Variants in PHIP observed in about 807,000 individuals in gnomAD.
The protein encoded by PHIP is PHIP subunit of CUL4-Ring ligase complex.
PHIP carries 54 observed loss-of-function variants against 236.8 expected under a neutral mutation model. That is an observed-to-expected ratio of 0.23 (90% CI 0.18 to 0.29). PHIP has a LOEUF of 0.29. Among genes scored for constraint, PHIP ranks in the 10% least tolerant of loss-of-function variants. The pLI, the probability that PHIP is intolerant of heterozygous loss-of-function variation, is 1.00. For missense variants in PHIP, 1,370 were observed against 2,190.8 expected (o/e 0.63, Z 7.48); for synonymous variants, 756 against 718.9 (o/e 1.05, Z -0.83).
At chr6:79,073,794 T>C (rs1220600117) in intron 4 of PHIP, among the ~76,000 whole-genome samples, 1 of 152,156 alleles carries the variant, frequency 6.6e-6, no homozygotes, top group Admixed American at 6.5e-5. Context: ...GTGTCTCAAA[T>C]CATCTTTGCA....
rs1231647647 is a variant in PHIP, at chr6:78,945,766, A to C, written c.4630+235T>G. The C allele has an allele frequency of 1.5e-4, 86 of 589,392 alleles. No homozygotes were observed. In the Admixed American group the frequency reaches 2.2e-3, roughly 15 times the overall value. The allele number at this position is 589,392 out of a possible 1,614,324, so 36.5% of individuals were successfully genotyped here. A position where few individuals can be genotyped will look rare whatever the true frequency, so the allele number is the denominator to read the frequency against. ...TAGCTAGTGTGGGTACTGTGATTTA[A>C]ATTCAGGTAGTTTAGATCAGAGTTG... On this transcript the variant is annotated intron_variant, in intron 38 of 39. Transcript: ENST00000275034.
chr6:78,950,549 C>G (rs1254831854), intron 35 of PHIP, among the ~76,000 whole-genome samples: 1 of 152,136 alleles, frequency 6.6e-6, no homozygotes, highest in Non-Finnish European at 1.5e-5. Context: ...TTGCTTCATA[C>G]TGGGTGAGTT....
At position 78,946,117 on chromosome 6, in the gene PHIP, C is replaced by T. The variant is rs747934036; in HGVS notation, c.4514G>A (p.Arg1505Gln). The T allele has an allele frequency of 9.3e-6, 15 of 1,613,920 alleles. No individual in the cohort carries two copies. Among genetic ancestry groups the T allele is most frequent in the East Asian group, 2.2e-5 (1 of 44,882 alleles). Residue 1505 changes from arginine (R) to glutamine (Q), a missense_variant, in exon 38 of 40, where the codon CGA (arginine) becomes CAA (glutamine). This residue lies in a region of PHIP where 309 missense variants were observed against 328.3 expected (regional missense o/e 0.94). Transcript: ENST00000275034. ...NGKTESSSVV[R>Q]TRSNRVVVDP... ...TACAACCACTCGGTTGCTTCTGGTT[C>T]GAACCACAGAACTAGATTCTGTTTT... is the stretch of plus-strand genomic sequence containing the variant.
intron 15 of PHIP, among the ~76,000 whole-genome samples, chr6:79,012,650 T>TA (rs1055011122): frequency 3.3e-5 from 5 of 151,732 alleles, no homozygotes; most frequent in African/African-American, 1.2e-4. Context: ...ACTTATTGAT[T>TA]AGCTACAGAG....
intron 20 of PHIP, among the ~76,000 whole-genome samples, chr6:78,989,979 T>C (rs1582178724): frequency 6.6e-6 from 1 of 151,734 alleles, no homozygotes; most frequent in East Asian, 1.9e-4. Flanking sequence ...ATACACTCAG[T>C]AAAGAAAAAA....
chr6:78,937,839 G>A lies in PHIP; in HGVS notation c.*2854C>T, dbSNP rs1056117047. On this transcript the variant is annotated 3_prime_UTR_variant, in exon 40 of 40. Coordinates refer to ENST00000275034, the MANE Select transcript of PHIP (RefSeq NM_017934.7). Reference sequence around the variant, plus strand: ...AATGCTCCACTGAAACTTTTCATCTGGGACTTGAGAATGTTGGAGTTGAGG... The same window carrying A: ...AATGCTCCACTGAAACTTTTCATCTAGGACTTGAGAATGTTGGAGTTGAGG... The A allele has an allele frequency of 4.0e-5, 6 of 151,808 alleles. No homozygotes were observed. Among genetic ancestry groups the A allele is most frequent in the African/African-American group, 1.4e-4 (6 of 41,516 alleles). 9.4% of individuals were successfully genotyped at this position (151,808 alleles called of 1,614,324 possible). A position where few individuals can be genotyped will look rare whatever the true frequency, so the allele number is the denominator to read the frequency against.
At chr6:79,031,770 A>G (rs1771681685) in intron 7 of PHIP, among the ~76,000 whole-genome samples, 1 of 152,208 alleles carries the variant, frequency 6.6e-6, no homozygotes, top group South Asian at 2.1e-4. Context: ...GTATGGAGGT[A>G]ATGGTACCAA....
rs961217222 is a variant in PHIP, at chr6:78,946,100, C to T, written c.4531G>A (p.Val1511Met). Residue 1511 changes from valine (V) to methionine (M), a missense_variant, in exon 38 of 40, where the codon GTG (valine) becomes ATG (methionine). By Grantham distance (21) the Val-to-Met change is conservative. Around this residue, in one of 14 missense-constraint regions of PHIP, gnomAD observed 309 missense variants for 328.3 expected, o/e 0.94. Transcript: ENST00000275034. ...TCAGTGACAACTGGATCTACAACCA[C>T]TCGGTTGCTTCTGGTTCGAACCACA... ...SSVVRTRSNRVVVDPVVTEQP... is the reference protein window; with the variant it reads ...SSVVRTRSNRMVVDPVVTEQP... The T allele has an allele frequency of 6.2e-7, 1 of 1,613,780 alleles. No homozygotes were observed. Among genetic ancestry groups the T allele is most frequent in the Non-Finnish European group, 8.5e-7 (1 of 1,179,640 alleles).
chr6:78,944,127 T>C (rs1173605737), intron 39 of PHIP, among the ~76,000 whole-genome samples: 3 of 151,310 alleles, frequency 2.0e-5, no homozygotes, highest in Non-Finnish European at 2.9e-5. Context: ...AAAAAAGACA[T>C]TCCCCCAAAA....
chr6:78,942,939 GT>G (rs984357561), intron 39 of PHIP, among the ~76,000 whole-genome samples: 23 of 152,120 alleles, frequency 1.5e-4, no homozygotes, highest in African/African-American at 5.5e-4. Context: ...GAATTCAGAA[GT>G]TTTTTAAAAA....
At chr6:78,953,804 T>C (rs1048176207) in intron 35 of PHIP, among the ~76,000 whole-genome samples, 1 of 152,180 alleles carries the variant, frequency 6.6e-6, no homozygotes, top group South Asian at 2.1e-4. Context: ...CAGGCTGGTC[T>C]TGAACTCCTG....
At chr6:78,955,107 T>A in intron 34 of PHIP, 125 bp downstream of exon 34, 1 of 889,808 alleles carries the variant, frequency 1.1e-6, no homozygotes, top group South Asian at 2.0e-5. Context: ...AACATACATT[T>A]TGTAATTGAA....
At chr6:79,048,076 C>G (rs1269209987) in intron 6 of PHIP, among the ~76,000 whole-genome samples, 1 of 150,824 alleles carries the variant, frequency 6.6e-6, no homozygotes, top group Non-Finnish European at 1.5e-5. Context: ...AAATTTTAAT[C>G]TTACAATCAA....
chr6:78,999,084 A>G (rs754474239), intron 17 of PHIP, among the ~76,000 whole-genome samples: 17 of 152,192 alleles, frequency 1.1e-4, no homozygotes, highest in Admixed American at 2.0e-4. Flanking sequence ...TTTAAATTAG[A>G]TAGCCACATA....
rs767272037 is a variant in PHIP, at chr6:79,015,193, A to G, written c.1413T>C (p.Val471=). Residue 471 remains valine, a synonymous_variant, in exon 15 of 40, where the codon GTT becomes GTC. Coordinates refer to ENST00000275034, the MANE Select transcript of PHIP (RefSeq NM_017934.7). ...VLMGHEDEVF[V]LEPHPFDPRV... is the part of the protein sequence containing the mutation. ...TAGGATCGAACGGGTGTGGTTCAAG[A>G]ACAAATACCTCATCTTCATGACCCT... The G allele has an allele frequency of 6.2e-7, 1 of 1,610,132 alleles. No homozygotes were observed. The highest frequency in any genetic ancestry group is 8.5e-7 in the Non-Finnish European group (1 of 1,176,802).
chr6:78,972,548 GAGA>G (rs1415952561), intron 24 of PHIP, among the ~76,000 whole-genome samples: 28 of 152,338 alleles, frequency 1.8e-4, no homozygotes, highest in Non-Finnish European at 3.2e-4. Context: ...GATGAGCTGA[GAGA>G]AGAAGGCTTC....
At chr6:79,053,625 A>C (rs1281109857) in intron 6 of PHIP, among the ~76,000 whole-genome samples, 1 of 152,198 alleles carries the variant, frequency 6.6e-6, no homozygotes, top group East Asian at 1.9e-4. Flanking sequence ...GGTCCAAAAG[A>C]TGTCTAAGAA....
chr6:79,013,895 TC>T (rs1359079932), intron 15 of PHIP, among the ~76,000 whole-genome samples: 1 of 151,546 alleles, frequency 6.6e-6, no homozygotes, highest in Non-Finnish European at 1.5e-5. Flanking sequence ...CAACAGATAT[TC>T]CAAAAAGGAG....
At chr6:78,962,771 T>C (rs1414790871) in intron 30 of PHIP, among the ~76,000 whole-genome samples, 2 of 152,148 alleles carry the variant, frequency 1.3e-5, no homozygotes, top group Non-Finnish European at 2.9e-5. Context: ...CAGCTTTCAA[T>C]CCTCCTCCTC....
Sources: allele counts gnomAD v4.1 joint callset (sites outside exome capture counted in the v4.1 genomes callset), GRCh38; gene constraint gnomAD v4.1.1; regional missense constraint gnomAD v4.1.1; transcripts MANE v1.5; gene names NCBI Gene and HGNC (gene_info 2026-07-23, HGNC 2026-07-21).